SPIDR: variants seen among roughly 807,000 people sequenced by gnomAD.
SPIDR encodes scaffold protein involved in DNA repair.
A neutral mutation model predicts 104.6 loss-of-function variants in SPIDR; 93 were observed. That is an observed-to-expected ratio of 0.89 (90% CI 0.75 to 1.06). The LOEUF (loss-of-function observed/expected upper bound fraction) is 1.06. SPIDR is among the 50% of genes least tolerant of loss of function. The pLI is 0.00. For missense variants in SPIDR, 1,154 were observed against 1,111.2 expected (o/e 1.04, Z -0.55); for synonymous variants, 431 against 416.9 (o/e 1.03, Z -0.41).
At chr8:47,417,346 G>T (rs2064535529) in intron 7 of SPIDR, among the ~76,000 whole-genome samples, 1 of 152,302 alleles carries the variant, frequency 6.6e-6, no homozygotes, top group East Asian at 1.9e-4. Context: ...GTATCTCATT[G>T]TGGTTTCGAT....
intron 8 of SPIDR, among the ~76,000 whole-genome samples, chr8:47,464,600 T>C (rs1418799184): frequency 2.6e-5 from 4 of 152,088 alleles, no homozygotes; most frequent in Non-Finnish European, 4.4e-5. Flanking sequence ...AGCAGCAACC[T>C]GCTCTCACCA....
At chr8:47,443,606 C>A (rs1412089534) in intron 8 of SPIDR, among the ~76,000 whole-genome samples, 3 of 133,550 alleles carry the variant, frequency 2.2e-5, no homozygotes, top group Admixed American at 7.4e-5. Flanking sequence ...TCATACTTAA[C>A]AAAACAAAAC....
chr8:47,441,037 A>G (rs782463828), intron 8 of SPIDR, among the ~76,000 whole-genome samples: 7 of 152,234 alleles, frequency 4.6e-5, no homozygotes, highest in Non-Finnish European at 8.8e-5. Context: ...GCAGTGGGAT[A>G]TTGATTTTTA....
chr8:47,511,566 C>T (rs900783725), intron 8 of SPIDR: 1 of 782,518 alleles, frequency 1.3e-6, no homozygotes, highest in Non-Finnish European at 2.4e-6. Flanking sequence ...CTCCATTATC[C>T]AGGCTGAATC....
intron 7 of SPIDR, among the ~76,000 whole-genome samples, chr8:47,429,496 C>T (rs1175104953): frequency 2.0e-5 from 3 of 152,224 alleles, no homozygotes; most frequent in Admixed American, 2.0e-4. Context: ...CTTCCAGTAT[C>T]CTGTAGTTAA....
chr8:47,285,703 C>A (rs1192020247), intron 3 of SPIDR, among the ~76,000 whole-genome samples: 1 of 152,150 alleles, frequency 6.6e-6, no homozygotes, highest in African/African-American at 2.4e-5. Flanking sequence ...GGATTTCAGT[C>A]ATCTTGGATT....
chr8:47,306,821 A>G (rs1247496603), intron 5 of SPIDR, among the ~76,000 whole-genome samples: 2 of 152,202 alleles, frequency 1.3e-5, no homozygotes, highest in African/African-American at 4.8e-5. Flanking sequence ...TGTTGTATCA[A>G]ATCATGTATT....
Position 47,568,620 on chromosome 8 carries a change from T to C in SPIDR, c.1098-27191T>C, listed in dbSNP as rs556007964. On this transcript the variant is annotated intron_variant, in intron 8 of 19. Coordinates refer to ENST00000297423, the MANE Select transcript of SPIDR (RefSeq NM_001080394.4). ...CAACCTCATGGCAGGCAGCTGTCAG[T>C]CCACAAGCCTTCCTGGTGCAGCACA... Among the ~76,000 whole-genome samples, 28 of 152,284 alleles carry C rather than the reference T, an allele frequency of 1.8e-4. 1 individual carries two copies. The highest frequency in any genetic ancestry group is 3.4e-3 in the Middle Eastern group (1 of 294).
At chr8:47,615,359 G>GT (rs1742491227) in intron 10 of SPIDR, among the ~76,000 whole-genome samples, 1 of 151,870 alleles carries the variant, frequency 6.6e-6, no homozygotes, top group Admixed American at 6.6e-5. Flanking sequence ...GAATGTTACA[G>GT]TTTTAGCCTG....
chr8:47,363,774 G>T (rs782117046), intron 5 of SPIDR, among the ~76,000 whole-genome samples: 1 of 151,438 alleles, frequency 6.6e-6, no homozygotes, highest in Non-Finnish European at 1.5e-5. Context: ...CTGAGCTCAC[G>T]TTCTAGTTAG....
chr8:47,654,667 T>C (rs2072370200), intron 10 of SPIDR, among the ~76,000 whole-genome samples: 1 of 151,948 alleles, frequency 6.6e-6, no homozygotes, highest in Non-Finnish European at 1.5e-5. Flanking sequence ...CTCTTTTCTT[T>C]CTTAAAGACC....
intron 10 of SPIDR, among the ~76,000 whole-genome samples, chr8:47,607,485 C>G (rs754807517): frequency 3.9e-5 from 6 of 152,000 alleles, no homozygotes; most frequent in Non-Finnish European, 4.4e-5. Context: ...GAGGAACATG[C>G]ACTAGTAGAT....
chr8:47,541,390 T>C (rs1280288205), intron 8 of SPIDR, among the ~76,000 whole-genome samples: 1 of 152,200 alleles, frequency 6.6e-6, no homozygotes, highest in African/African-American at 2.4e-5. Context: ...ATAGTGTATA[T>C]ATCTTCCCAT....
At chr8:47,261,506 G>C (rs2032304580) in intron 1 of SPIDR, among the ~76,000 whole-genome samples, 1 of 152,226 alleles carries the variant, frequency 6.6e-6, no homozygotes, top group Non-Finnish European at 1.5e-5. Context: ...ATCGTTGCTT[G>C]AATGGTGTTT....
At chr8:47,729,327 T>C (rs1436357733) in intron 18 of SPIDR, 85 bp from the exon 19 acceptor site, 22 of 1,513,032 alleles carry the variant, frequency 1.5e-5, no homozygotes, top group Non-Finnish European at 2.0e-5. Flanking sequence ...GGATATAACA[T>C]GTTAATTTTC....
chr8:47,634,111 G>T (rs1469647014), intron 10 of SPIDR, among the ~76,000 whole-genome samples: 1 of 143,164 alleles, frequency 7.0e-6, no homozygotes, highest in Admixed American at 6.9e-5. Context: ...AAAAAAAAAA[G>T]AATTACCGTG....
chr8:47,329,512 T>C (rs1160112464), intron 5 of SPIDR, among the ~76,000 whole-genome samples: 1 of 152,164 alleles, frequency 6.6e-6, no homozygotes, highest in Non-Finnish European at 1.5e-5. Flanking sequence ...CAGCCTACAA[T>C]ATGTTTTTGA....
intron 5 of SPIDR, among the ~76,000 whole-genome samples, chr8:47,302,545 T>C (rs2042293810): frequency 6.6e-6 from 1 of 152,194 alleles, no homozygotes; most frequent in Non-Finnish European, 1.5e-5. Context: ...TTCCAGTTTT[T>C]CTGCTCTGTT....
At chr8:47,601,783 A>G (rs1464446901) in intron 10 of SPIDR, among the ~76,000 whole-genome samples, 2 of 152,148 alleles carry the variant, frequency 1.3e-5, no homozygotes, top group East Asian at 1.9e-4. Flanking sequence ...CAGAAGTGCA[A>G]GTGTTTTGCC....
Sources: gnomAD v4.1 joint callset for allele counts (sites outside exome capture counted in the v4.1 genomes callset) on GRCh38, gnomAD v4.1.1 for gene constraint, MANE v1.5 for transcripts, NCBI Gene and HGNC (gene_info 2026-07-23, HGNC 2026-07-21) for gene names.